NSMCE4A: variants seen among roughly 807,000 people sequenced by gnomAD.
NSMCE4A encodes non-structural maintenance of chromosomes element 4 homolog A.
NSMCE4A carries 40 observed loss-of-function variants against 47.9 expected under a neutral mutation model. The ratio of observed to expected loss-of-function variants is 0.83; its 90% CI spans 0.65 to 1.09. The LOEUF (loss-of-function observed/expected upper bound fraction) is 1.09, where lower values mean the gene tolerates loss of function less well. NSMCE4A is among the 50% of genes least tolerant of loss of function. NSMCE4A has a pLI of 0.00. For synonymous variants in NSMCE4A, 166 were observed against 178.5 expected (o/e 0.93, Z 0.56); for missense variants, 500 against 507.0 (o/e 0.99, Z 0.13).
At chr10:121,964,641 C>G (rs537592055) in intron 5 of NSMCE4A, among the ~76,000 whole-genome samples, 1 of 150,732 alleles carries the variant, frequency 6.6e-6, no homozygotes, top group Non-Finnish European at 1.5e-5. Context: ...GGGGTTTCCC[C>G]GTATTGGCCG....
chr10:121,959,548 G>T lies in NSMCE4A; in HGVS notation c.1036C>A (p.Gln346Lys), dbSNP rs1417973174. Residue 346 changes from glutamine (Q) to lysine (K), a missense_variant, in exon 9 of 11, where the codon CAA (glutamine) becomes AAA (lysine). Coordinates refer to ENST00000369023, the MANE Select transcript of NSMCE4A (RefSeq NM_017615.3). ...GCTATAATTCCTTGATTTCTAACTTGTGTGTTATGTTCAAATCCCTCATTT... is the reference window on the plus strand; with the variant it reads ...GCTATAATTCCTTGATTTCTAACTTTTGTGTTATGTTCAAATCCCTCATTT... ...EENEGFEHNT[Q>K]VRNQGIIALS... 1.2e-6 allele frequency: 2 copies of T among 1,614,094 alleles called. No homozygotes were observed. The highest frequency in any genetic ancestry group is 1.7e-5 in the Admixed American group (1 of 60,020).
intron 1 of NSMCE4A, chr10:121,974,541 G>T: frequency 9.9e-7 from 1 of 1,013,718 alleles, no homozygotes; most frequent in East Asian, 9.9e-5. Context: ...CCACGCCGAG[G>T]ACTGCCGGGC....
At position 121,960,315 on chromosome 10, in the gene NSMCE4A, T is replaced by C. The variant is rs1438955209; in HGVS notation, c.988+43A>G. On this transcript the variant is annotated intron_variant, in intron 8 of 10. Coordinates refer to ENST00000369023, the MANE Select transcript of NSMCE4A (RefSeq NM_017615.3). The surrounding 1 kb of genome is among the most constrained non-coding windows in gnomAD (Gnocchi z 4.2). ...AATACTTAAATTCTACTAACAAATA[T>C]ATTTTCTCTAAAACTAATTTTTCCA... The C allele has an allele frequency of 1.6e-6, 2 of 1,260,456 alleles. No homozygotes were observed. Among genetic ancestry groups the C allele is most frequent in the Non-Finnish European group, 2.1e-6 (2 of 932,992 alleles). 78.1% of individuals were successfully genotyped at this position (1,260,456 alleles called of 1,614,324 possible).
Position 121,971,179 on chromosome 10 carries a change from A to AAAAAG in NSMCE4A, c.371-111_371-110insCTTTT, listed in dbSNP as rs1219331154. 5 of 1,099,486 alleles carry AAAAAG rather than the reference A, an allele frequency of 4.5e-6. No homozygotes were observed. In the African/African-American group the frequency reaches 7.9e-5, roughly 17 times the overall value. The allele number at this position is 1,099,486 out of a possible 1,614,324, so 68.1% of individuals were successfully genotyped here. A position where few individuals can be genotyped will look rare whatever the true frequency, so the allele number is the denominator to read the frequency against. On this transcript the variant is annotated intron_variant, in intron 2 of 10. Transcript: ENST00000369023. ...GGATTTCCCACTGGACTAAAAAAAA[A>AAAAAG]AAAAAATCTCAATAGGCAACTGACA...
intron 1 of NSMCE4A, chr10:121,974,435 A>T: frequency 9.8e-7 from 1 of 1,021,216 alleles, no homozygotes; most frequent in Non-Finnish European, 1.2e-6. Context: ...CCACCCAGAG[A>T]TTCGAATTCC....
chr10:121,971,031 G>A lies in NSMCE4A; in HGVS notation c.409C>T (p.Leu137Phe). ...AREAVLDAHF[L>F]VLASDLGKEK... is the part of the protein sequence containing the mutation. ...TTGCCCAAATCTGAAGCCAAAACAA[G>A]AAAGTGGGCATCCAGGACTGCTTCT... is the stretch of plus-strand genomic sequence containing the variant. Residue 137 changes from leucine (L) to phenylalanine (F), a missense_variant, in exon 3 of 11, where the codon CTT (leucine) becomes TTT (phenylalanine). Transcript: ENST00000369023. The A allele has an allele frequency of 6.2e-7, 1 of 1,613,950 alleles. No individual in the cohort carries two copies. Among genetic ancestry groups the A allele is most frequent in the Non-Finnish European group, 8.5e-7 (1 of 1,179,898 alleles).
At chr10:121,962,646 CTT>C (rs995121872) in intron 6 of NSMCE4A, among the ~76,000 whole-genome samples, 1 of 150,134 alleles carries the variant, frequency 6.7e-6, no homozygotes, top group African/African-American at 2.4e-5. Context: ...TAGTTTCGCT[CTT>C]GTTGCCCAGG....
intron 4 of NSMCE4A, chr10:121,967,132 T>A (rs1039200786): frequency 6.6e-6 from 1 of 152,422 alleles, no homozygotes; most frequent in Admixed American, 6.5e-5. Context: ...GGTAAAGAGG[T>A]TCTGGCCTTT....
Position 121,961,525 on chromosome 10 carries a change from C to T in NSMCE4A, c.845-8G>A. 7.2e-6 allele frequency: 11 copies of T among 1,527,424 alleles called. No homozygotes were observed. The highest frequency in any genetic ancestry group is 7.0e-6 in the Non-Finnish European group (8 of 1,143,916). 94.6% of individuals were successfully genotyped at this position (1,527,424 alleles called of 1,614,324 possible). A position where few individuals can be genotyped will look rare whatever the true frequency, so the allele number is the denominator to read the frequency against. On this transcript the variant is annotated splice_region_variant and splice_polypyrimidine_tract_variant and intron_variant, in intron 6 of 10. Coordinates refer to ENST00000369023, the MANE Select transcript of NSMCE4A (RefSeq NM_017615.3). ...AGGACATTGGGGTATCAGCTATAGACAAAAAGAGAAAAAAAAATTGATTTT... is the reference window on the plus strand; with the variant it reads ...AGGACATTGGGGTATCAGCTATAGATAAAAAGAGAAAAAAAAATTGATTTT...
At chr10:121,971,485 T>C (rs1393895915) in intron 2 of NSMCE4A, among the ~76,000 whole-genome samples, 2 of 151,884 alleles carry the variant, frequency 1.3e-5, no homozygotes, top group Non-Finnish European at 2.9e-5. Context: ...CCAGCCTGGG[T>C]GTCAGAGCAA....
intron 3 of NSMCE4A, 75 bp downstream of exon 3, chr10:121,970,864 T>C (rs568471853): frequency 6.3e-5 from 81 of 1,281,094 alleles, no homozygotes; most frequent in Non-Finnish European, 8.2e-5. Flanking sequence ...CATCTGCATA[T>C]GGATATGAGC....
At chr10:121,964,392 C>T (rs11812661) in intron 5 of NSMCE4A, among the ~76,000 whole-genome samples, 20,192 of 151,868 alleles carry the variant, frequency 0.13, 1,553 homozygotes, top group Middle Eastern at 0.18. Context: ...TGGATCTGCC[C>T]GCCTTGGCCT....
Position 121,974,866 on chromosome 10 carries a change from C to A in NSMCE4A, c.292+8G>T, listed in dbSNP as rs1952788037. On this transcript the variant is annotated splice_region_variant and intron_variant, in intron 1 of 10. Transcript: ENST00000369023. ...CCGGGCCCGCGCCGCCCGGAGGCGC[C>A]GCCTTACGTTGGACGGAGTTGATGA... 6.8e-7 allele frequency: 1 copy of A among 1,468,206 alleles called. No homozygotes were observed. Among genetic ancestry groups the A allele is most frequent in the East Asian group, 3.0e-5 (1 of 33,144 alleles). 90.9% of individuals were successfully genotyped at this position (1,468,206 alleles called of 1,614,324 possible). A position where few individuals can be genotyped will look rare whatever the true frequency, so the allele number is the denominator to read the frequency against.
chr10:121,974,903 T>G lies in NSMCE4A; in HGVS notation c.263A>C (p.Gln88Pro). The change falls in exon 1 of 11, where the codon CAG (glutamine) becomes CCG (proline). Residue 88 changes from glutamine to proline, a missense_variant. By Grantham distance (76) the Gln-to-Pro change is moderately conservative. Coordinates refer to ENST00000369023, the MANE Select transcript of NSMCE4A (RefSeq NM_017615.3). The stretch of plus-strand genomic sequence containing the variant: ...GACGGAGTTGATGAGCGCCCGGTAC[T>G]GATGGCGGATCTGGCGGCACAGGCC... ...DQGLCRQIRH[Q>P]YRALINSVQQ... The G allele has an allele frequency of 6.6e-7, 1 of 1,521,614 alleles. No individual in the cohort carries two copies. The highest frequency in any genetic ancestry group is 1.4e-5 in the African/African-American group (1 of 69,330). The allele number at this position is 1,521,614 out of a possible 1,614,324, so 94.3% of individuals were successfully genotyped here. A position where few individuals can be genotyped will look rare whatever the true frequency, so the allele number is the denominator to read the frequency against.
intron 10 of NSMCE4A, 79 bp downstream of exon 10, chr10:121,959,245 T>A: frequency 7.7e-7 from 1 of 1,291,000 alleles, no homozygotes; most frequent in Non-Finnish European, 1.1e-6. Flanking sequence ...CAAATTTCAC[T>A]GGAATGGGGA....
chr10:121,968,805 A>G (rs1212311816), intron 3 of NSMCE4A, among the ~76,000 whole-genome samples: 1 of 152,214 alleles, frequency 6.6e-6, no homozygotes, highest in Non-Finnish European at 1.5e-5. Context: ...GAGCCTGGTC[A>G]GAGCGCTATG....
intron 4 of NSMCE4A, chr10:121,966,904 T>TA (rs760492060): frequency 3.0e-4 from 46 of 152,222 alleles, no homozygotes; most frequent in Non-Finnish European, 7.4e-5. Context: ...GAGTTCTATC[T>TA]AAAAAATGAA....
At chr10:121,958,823 G>GTTTTTTTTTTTTTT (rs1952445848) in intron 10 of NSMCE4A, among the ~76,000 whole-genome samples, 3 of 135,404 alleles carry the variant, frequency 2.2e-5, no homozygotes, top group Non-Finnish European at 5.1e-5. Context: ...TCAGCTGCAA[G>GTTTTTTTTTTTTTT]TCTTTTTTTT....
chr10:121,960,363 A>G lies in NSMCE4A; in HGVS notation c.983T>C (p.Val328Ala). 1 of 1,493,882 alleles carries G rather than the reference A, an allele frequency of 6.7e-7. No homozygotes were observed. Among genetic ancestry groups the G allele is most frequent in the Non-Finnish European group, 8.8e-7 (1 of 1,133,058 alleles). 92.5% of individuals were successfully genotyped at this position (1,493,882 alleles called of 1,614,324 possible). The change falls in exon 8 of 11, where the codon GTA (valine) becomes GCA (alanine). Residue 328 changes from valine to alanine, a missense_variant. Val to Ala is a moderately conservative substitution (Grantham distance 64). Transcript: ENST00000369023. The surrounding 1 kb of genome is among the most constrained non-coding windows in gnomAD (Gnocchi z 4.2). ...RIRLDQDRLP[V>A]IEPVSINEEN... ...CCAAACATAGTATCATTTACCTATT[A>G]CTGGCAGTCGGTCTTGGTCAAGTCT...
Sources: allele counts gnomAD v4.1 joint callset (sites outside exome capture counted in the v4.1 genomes callset), GRCh38; gene constraint gnomAD v4.1.1; non-coding constraint Gnocchi (gnomAD v3.1); transcripts MANE v1.5; gene names NCBI Gene and HGNC (gene_info 2026-07-23, HGNC 2026-07-21).